SNX29: variants seen among roughly 807,000 people sequenced by gnomAD.
SNX29 encodes the protein sorting nexin 29.
SNX29 carries 78 observed loss-of-function variants against 102.1 expected under a neutral mutation model. The observed-to-expected ratio is 0.76, with a 90% CI of 0.64 to 0.92. The LOEUF is 0.92. Ranked by LOEUF, SNX29 falls within the 40% of genes least tolerant of loss-of-function variation. The pLI is 0.00. For synonymous variants in SNX29, 580 were observed against 414.5 expected (o/e 1.40, Z -4.85); for missense variants, 1,280 against 1,061.7 (o/e 1.21, Z -2.86).
chr16:12,116,256 G>A (rs1007495843), intron 11 of SNX29, among the ~76,000 whole-genome samples: 31 of 152,286 alleles, frequency 2.0e-4, no homozygotes, highest in African/African-American at 7.2e-4. Context: ...ATGCACAAAG[G>A]TTGATGGCAA....
intron 13 of SNX29, among the ~76,000 whole-genome samples, chr16:12,194,744 A>C (rs1156239127): frequency 2.0e-5 from 3 of 150,828 alleles, no homozygotes; most frequent in Non-Finnish European, 4.4e-5. Context: ...CTTGTGTCTC[A>C]GCCTCCCGAC....
intron 20 of SNX29, among the ~76,000 whole-genome samples, chr16:12,544,039 C>T (rs2077470237): frequency 6.6e-6 from 1 of 152,144 alleles, no homozygotes; most frequent in Non-Finnish European, 1.5e-5. Context: ...TGACTCATCA[C>T]ATTGCAAAGC....
chr16:12,427,371 C>T (rs562658516), intron 18 of SNX29, among the ~76,000 whole-genome samples: 8 of 151,984 alleles, frequency 5.3e-5, no homozygotes, highest in African/African-American at 1.9e-4. Flanking sequence ...GCGTGAATTA[C>T]CAGTTTGCCA....
intron 4 of SNX29, chr16:12,029,825 C>G (rs989062668): frequency 2.9e-6 from 1 of 341,022 alleles, no homozygotes; most frequent in Non-Finnish European, 5.7e-6. Flanking sequence ...CTCCTGACTT[C>G]AGGTAATCTG....
At chr16:12,534,102 C>T (rs1416780270) in intron 20 of SNX29, among the ~76,000 whole-genome samples, 1 of 152,214 alleles carries the variant, frequency 6.6e-6, no homozygotes, top group Non-Finnish European at 1.5e-5. Context: ...CCCAGGGGAT[C>T]GCGATGACAA....
rs576458764 is a variant in SNX29 at position 12,535,858 on chromosome 16, C to T, written c.2318+11017C>T. Among the ~76,000 whole-genome samples the T allele has an allele frequency of 8.9e-4, 135 of 152,192 alleles. 1 individual carries two copies. Among genetic ancestry groups the T allele is most frequent in the Non-Finnish European group, 1.7e-3 (116 of 67,986 alleles). On this transcript the variant is annotated intron_variant, in intron 20 of 20. Transcript: ENST00000566228. ...AGTGCTTAGATCGGCCATGGGAGCCCTATTGGTGCTGTCCAAGGTCCTACC... is the reference window on the plus strand; with the variant it reads ...AGTGCTTAGATCGGCCATGGGAGCCTTATTGGTGCTGTCCAAGGTCCTACC...
At chr16:12,424,200 CTA>C (rs2084970744) in intron 18 of SNX29, among the ~76,000 whole-genome samples, 1 of 152,210 alleles carries the variant, frequency 6.6e-6, no homozygotes, top group African/African-American at 2.4e-5. Context: ...TTGTCGATCT[CTA>C]TCACGGGTAA....
intron 11 of SNX29, among the ~76,000 whole-genome samples, chr16:12,109,442 A>T (rs2053414140): frequency 6.6e-6 from 1 of 152,146 alleles, no homozygotes; most frequent in South Asian, 2.1e-4. Context: ...CCAAGCTCTC[A>T]TGACACAGTC....
intron 8 of SNX29, among the ~76,000 whole-genome samples, chr16:12,056,498 G>A (rs949753727): frequency 8.5e-5 from 13 of 152,316 alleles, no homozygotes; most frequent in Non-Finnish European, 1.6e-4. Context: ...CTAAGCTAGT[G>A]TTCACAGGGA....
intron 14 of SNX29, among the ~76,000 whole-genome samples, chr16:12,233,168 G>T (rs986473247): frequency 6.6e-6 from 1 of 151,736 alleles, no homozygotes; most frequent in Admixed American, 6.6e-5. Context: ...CCTCCTCCCT[G>T]CAAAAACATG....
chr16:12,542,368 T>C (rs575905991), intron 20 of SNX29, among the ~76,000 whole-genome samples: 3 of 152,220 alleles, frequency 2.0e-5, no homozygotes, highest in Non-Finnish European at 2.9e-5. Context: ...TAGACCCAAG[T>C]TCTATCACCC....
chr16:12,212,769 TTTC>T (rs2077220651), intron 14 of SNX29, among the ~76,000 whole-genome samples: 1 of 152,232 alleles, frequency 6.6e-6, no homozygotes, highest in Admixed American at 6.5e-5. Context: ...TTGCAAATAC[TTTC>T]TTGAGTGGAG....
intron 14 of SNX29, among the ~76,000 whole-genome samples, chr16:12,201,858 C>G (rs147985901): frequency 6.6e-6 from 1 of 152,172 alleles, no homozygotes; most frequent in East Asian, 1.9e-4. Context: ...AAAACCTCAG[C>G]GCTACACAAT....
chr16:12,502,430 G>A (rs1202454133), intron 19 of SNX29, among the ~76,000 whole-genome samples: 2 of 152,154 alleles, frequency 1.3e-5, no homozygotes, highest in African/African-American at 4.8e-5. Flanking sequence ...CTTCACAGCC[G>A]CCGGTGGTGG....
At chr16:12,508,652 C>T (rs944473139) in intron 19 of SNX29, among the ~76,000 whole-genome samples, 2 of 152,246 alleles carry the variant, frequency 1.3e-5, no homozygotes, top group Non-Finnish European at 2.9e-5. Context: ...GCTTTACCAA[C>T]GTTCCTGGTG....
chr16:12,334,460 A>G (rs1003690234), intron 15 of SNX29, among the ~76,000 whole-genome samples: 3 of 152,192 alleles, frequency 2.0e-5, no homozygotes, highest in Admixed American at 1.3e-4. Flanking sequence ...ACCACTTTGC[A>G]TGAATGATTT....
chr16:12,335,065 G>A (rs566694458), intron 15 of SNX29, among the ~76,000 whole-genome samples: 41 of 152,076 alleles, frequency 2.7e-4, no homozygotes, highest in Middle Eastern at 3.4e-3. Context: ...CTTCACTACC[G>A]TTCCTGTGGG....
At chr16:12,390,379 C>G (rs1304406646) in intron 16 of SNX29, among the ~76,000 whole-genome samples, 3 of 152,136 alleles carry the variant, frequency 2.0e-5, no homozygotes, top group Admixed American at 6.5e-5. Flanking sequence ...TCCCAGATGC[C>G]TCATCCATCC....
chr16:12,431,488 C>A (rs78250522), intron 18 of SNX29, among the ~76,000 whole-genome samples: 12,900 of 131,618 alleles, frequency 0.098, 706 homozygotes, highest in Middle Eastern at 0.22. Context: ...AGTTATTGAT[C>A]CACAGTGTAC....
Sources: allele counts gnomAD v4.1 joint callset (sites outside exome capture counted in the v4.1 genomes callset), GRCh38; gene constraint gnomAD v4.1.1; transcripts MANE v1.5; gene names NCBI Gene and HGNC (gene_info 2026-07-23, HGNC 2026-07-21).